Variants in NRXN1 observed in about 807,000 individuals in gnomAD.
NRXN1 encodes neurexin-1.
Under a neutral mutation model 150.9 loss-of-function variants are expected in NRXN1, and 39 were observed. The observed-to-expected ratio is 0.26, with a 90% CI of 0.20 to 0.34. The LOEUF is 0.34. Among genes scored for constraint, NRXN1 ranks in the 10% least tolerant of loss-of-function variants. NRXN1 has a pLI of 1.00. For synonymous variants in NRXN1, 924 were observed against 757.0 expected (o/e 1.22, Z -3.62); for missense variants, 1,815 against 1,949.9 (o/e 0.93, Z 1.30).
At chr2:50,614,557 A>G (rs2104146205) in intron 8 of NRXN1, among the ~76,000 whole-genome samples, 1 of 151,588 alleles carries the variant, frequency 6.6e-6, no homozygotes, top group African/African-American at 2.4e-5. Context: ...TAATGGGTGC[A>G]GCACACCAAC....
At chr2:49,995,903 C>A (rs1245922496) in intron 21 of NRXN1, among the ~76,000 whole-genome samples, 1 of 138,700 alleles carries the variant, frequency 7.2e-6, no homozygotes, top group African/African-American at 2.6e-5. Context: ...ATTTAGAGAG[C>A]CTAAGTGTAT....
chr2:50,141,603 C>T (rs1227413568), intron 18 of NRXN1, among the ~76,000 whole-genome samples: 1 of 151,904 alleles, frequency 6.6e-6, no homozygotes, highest in Non-Finnish European at 1.5e-5. Context: ...TGAAACAATT[C>T]AATAGCAAAA....
intron 17 of NRXN1, among the ~76,000 whole-genome samples, chr2:50,435,776 G>T (rs1204589234): frequency 6.6e-6 from 1 of 152,080 alleles, no homozygotes; most frequent in South Asian, 2.1e-4. Flanking sequence ...CACAAAGAAG[G>T]GAACGACAGA....
At chr2:50,266,467 T>C (rs575768866) in intron 17 of NRXN1, among the ~76,000 whole-genome samples, 1 of 147,804 alleles carries the variant, frequency 6.8e-6, no homozygotes, top group South Asian at 2.1e-4. Context: ...TATTATGATA[T>C]AACTCTATAA....
chr2:50,419,938 C>T (rs1301053834), intron 17 of NRXN1, among the ~76,000 whole-genome samples: 1 of 152,048 alleles, frequency 6.6e-6, no homozygotes, highest in Non-Finnish European at 1.5e-5. Flanking sequence ...CCACCAAATA[C>T]ATCTGAATGC....
intron 17 of NRXN1, among the ~76,000 whole-genome samples, chr2:50,301,027 T>C (rs1050994884): frequency 2.6e-5 from 4 of 152,176 alleles, no homozygotes; most frequent in South Asian, 4.1e-4. Context: ...CAGATAAGGA[T>C]GCCTCATAGG....
At chr2:50,594,808 G>A (rs145466226) in intron 8 of NRXN1, among the ~76,000 whole-genome samples, 6 of 152,188 alleles carry the variant, frequency 3.9e-5, no homozygotes, top group African/African-American at 9.6e-5. Context: ...TCACCACAGC[G>A]TGTTTTTACC....
At chr2:50,280,489 T>A (rs2071282766) in intron 17 of NRXN1, among the ~76,000 whole-genome samples, 1 of 152,018 alleles carries the variant, frequency 6.6e-6, no homozygotes, top group Non-Finnish European at 1.5e-5. Flanking sequence ...GTCTTTGGAG[T>A]TTAACAGGCT....
intron 21 of NRXN1, among the ~76,000 whole-genome samples, chr2:50,006,182 T>C (rs531855953): frequency 6.6e-6 from 1 of 152,236 alleles, no homozygotes; most frequent in African/African-American, 2.4e-5. Context: ...AATTAATTCC[T>C]CTTGTTTCGG....
rs373851809 is a variant in NRXN1 at position 50,520,229 on chromosome 2, A to G, written c.2374+8396T>C. Among the ~76,000 whole-genome samples, 7 of 152,036 alleles carry G rather than the reference A, an allele frequency of 4.6e-5. No individual in the cohort carries two copies. In the East Asian group the frequency reaches 1.2e-3, roughly 25 times the overall value. ...ATATGAATACTATTTCTGATTAGGA[A>G]CAAAATGTTGTTCTGAAAGATATTC... On this transcript the variant is annotated intron_variant, in intron 12 of 22. Coordinates refer to ENST00000401669, the MANE Select transcript of NRXN1 (RefSeq NM_001330078.2).
chr2:50,827,759 G>A (rs994409193), intron 5 of NRXN1, among the ~76,000 whole-genome samples: 8 of 151,380 alleles, frequency 5.3e-5, no homozygotes, highest in African/African-American at 1.7e-4. Context: ...GCGGCCTTCC[G>A]CAGTGTTTGT....
At chr2:50,132,018 C>T (rs192924596) in intron 18 of NRXN1, among the ~76,000 whole-genome samples, 19 of 152,244 alleles carry the variant, frequency 1.2e-4, no homozygotes, top group African/African-American at 4.6e-4. Flanking sequence ...CACTGTGATG[C>T]AGAATTACCT....
chr2:50,711,456 C>T (rs1308686207), intron 5 of NRXN1, among the ~76,000 whole-genome samples: 2 of 151,676 alleles, frequency 1.3e-5, no homozygotes, highest in Non-Finnish European at 2.9e-5. Flanking sequence ...CTGTCTCAGC[C>T]TCCTGAGTAG....
chr2:50,235,658 C>G (rs1031559348), intron 18 of NRXN1, among the ~76,000 whole-genome samples: 1 of 152,048 alleles, frequency 6.6e-6, no homozygotes, highest in African/African-American at 2.4e-5. Context: ...TGACCACTTT[C>G]TAACAGGAAA....
In NRXN1 at chr2:50,347,834, C is replaced by A; in HGVS notation, c.3365-110864G>T. 1.0e-6 allele frequency: 1 copy of A among 985,566 alleles called. No individual in the cohort carries two copies. Among genetic ancestry groups the A allele is most frequent in the Middle Eastern group, 5.2e-4 (1 of 1,916 alleles). The allele number at this position is 985,566 out of a possible 1,614,324, so 61.1% of individuals were successfully genotyped here. A position where few individuals can be genotyped will look rare whatever the true frequency, so the allele number is the denominator to read the frequency against. On this transcript the variant is annotated intron_variant, in intron 17 of 22. Transcript: ENST00000401669. The surrounding 1 kb of genome is among the most constrained non-coding windows in gnomAD (Gnocchi z 4.9). Reference sequence around the variant, plus strand: ...GTCTCCAAACAGCAAATCACTGAAGCTCGGATGCAATGCAGAGGACGAGCC... The same window carrying A: ...GTCTCCAAACAGCAAATCACTGAAGATCGGATGCAATGCAGAGGACGAGCC...
chr2:51,015,788 A>G (rs1310873677), intron 2 of NRXN1, among the ~76,000 whole-genome samples: 1 of 152,092 alleles, frequency 6.6e-6, no homozygotes, highest in African/African-American at 2.4e-5. Context: ...TGAATGTCTA[A>G]TATATTATAA....
intron 21 of NRXN1, among the ~76,000 whole-genome samples, chr2:49,955,343 T>C (rs945027983): frequency 6.6e-6 from 1 of 152,162 alleles, no homozygotes; most frequent in Non-Finnish European, 1.5e-5. Context: ...CCTTATAACA[T>C]CTCTAGAAGT....
chr2:50,447,118 A>C (rs1456846391), intron 17 of NRXN1, among the ~76,000 whole-genome samples: 1 of 151,974 alleles, frequency 6.6e-6, no homozygotes, highest in Non-Finnish European at 1.5e-5. Flanking sequence ...TGATACTTTG[A>C]CCCCAAACTA....
intron 8 of NRXN1, among the ~76,000 whole-genome samples, chr2:50,561,204 A>T (rs1669025041): frequency 6.6e-6 from 1 of 152,174 alleles, no homozygotes. Flanking sequence ...TATTCATGGG[A>T]GTTGAAAGAC....
Sources: allele counts gnomAD v4.1 joint callset (sites outside exome capture counted in the v4.1 genomes callset), GRCh38; gene constraint gnomAD v4.1.1; non-coding constraint Gnocchi (gnomAD v3.1); transcripts MANE v1.5; gene names NCBI Gene and HGNC (gene_info 2026-07-23, HGNC 2026-07-21).